The following NRP1 variants were observed in gnomAD, a reference collection of about 807,000 sequenced individuals.
NRP1 encodes neuropilin 1.
In NRP1, 35 loss-of-function variants were observed where a neutral mutation model predicts 106.7. The ratio of observed to expected loss-of-function variants is 0.33; its 90% CI spans 0.25 to 0.43. The LOEUF (loss-of-function observed/expected upper bound fraction) is 0.43, where lower values mean the gene tolerates loss of function less well. NRP1 is among the 20% of genes least tolerant of loss of function. The pLI is 1.00. For missense variants in NRP1, 1,024 were observed against 1,170.4 expected (o/e 0.87, Z 1.83); for synonymous variants, 437 against 417.9 (o/e 1.05, Z -0.56).
Position 33,182,686 on chromosome 10 carries a change from A to G in NRP1, c.2482+12T>C, listed in dbSNP as rs774225616. On this transcript the variant is annotated intron_variant, in intron 16 of 16. Coordinates refer to ENST00000374867, the MANE Select transcript of NRP1 (RefSeq NM_003873.7). ...AAAATTTTTTAAAAATTGGTCAGCA[A>G]GACAAATTTACCTGTTTCATCAATT... 1 of 1,606,788 alleles carries G rather than the reference A, an allele frequency of 6.2e-7. No homozygotes were observed. Among genetic ancestry groups the G allele is most frequent in the Non-Finnish European group, 8.5e-7 (1 of 1,174,598 alleles).
intron 2 of NRP1, among the ~76,000 whole-genome samples, chr10:33,307,595 G>A (rs1846261690): frequency 6.6e-6 from 1 of 152,074 alleles, no homozygotes; most frequent in African/African-American, 2.4e-5. Flanking sequence ...TATATATCAA[G>A]AGTCTTAATA....
chr10:33,304,486 T>C (rs1846010636), intron 2 of NRP1, among the ~76,000 whole-genome samples: 1 of 152,206 alleles, frequency 6.6e-6, no homozygotes, highest in Non-Finnish European at 1.5e-5. Flanking sequence ...CCTATTTATT[T>C]ACTTATTACC....
At chr10:33,278,250 G>A (rs989334863) in intron 2 of NRP1, among the ~76,000 whole-genome samples, 5 of 151,920 alleles carry the variant, frequency 3.3e-5, no homozygotes, top group South Asian at 2.1e-4. Flanking sequence ...GAACTCCTTC[G>A]CCAATCTTAT....
chr10:33,328,984 CAG>C (rs1421389524), intron 2 of NRP1, among the ~76,000 whole-genome samples: 2 of 151,982 alleles, frequency 1.3e-5, no homozygotes, highest in African/African-American at 4.8e-5. Context: ...TATGTTTTAC[CAG>C]AGTTTCTCCT....
intron 2 of NRP1, among the ~76,000 whole-genome samples, chr10:33,295,445 C>A (rs926325358): frequency 6.6e-6 from 1 of 152,190 alleles, no homozygotes. Context: ...CAGTGGCTCA[C>A]GCCTGTAATC....
chr10:33,261,822 T>A (rs886396220), intron 4 of NRP1, among the ~76,000 whole-genome samples: 5 of 152,166 alleles, frequency 3.3e-5, no homozygotes, highest in African/African-American at 1.2e-4. Context: ...CTGCAACCTC[T>A]GCCTCCCAGG....
chr10:33,197,418 G>T (rs1259170616), intron 12 of NRP1, among the ~76,000 whole-genome samples: 1 of 152,206 alleles, frequency 6.6e-6, no homozygotes, highest in African/African-American at 2.4e-5. Context: ...TCCTTCAGTG[G>T]AGAGCTGGGA....
At chr10:33,241,927 A>G (rs895859445) in intron 6 of NRP1, among the ~76,000 whole-genome samples, 2 of 152,246 alleles carry the variant, frequency 1.3e-5, no homozygotes, top group South Asian at 4.1e-4. Flanking sequence ...ATTTTAATTC[A>G]GATGAATTTT....
intron 9 of NRP1, chr10:33,213,106 G>T: frequency 1.3e-6 from 1 of 793,336 alleles, no homozygotes; most frequent in Non-Finnish European, 2.0e-6. Flanking sequence ...TGTCAGCCTT[G>T]GGCTTCCCCG....
At chr10:33,269,475 A>G in intron 3 of NRP1, among the ~76,000 whole-genome samples, 1 of 152,118 alleles carries the variant, frequency 6.6e-6, no homozygotes, top group East Asian at 1.9e-4. Context: ...TGCATTTTTA[A>G]TGAAAGAAAT....
chr10:33,194,553 G>A (rs557127227), intron 12 of NRP1: 5 of 294,378 alleles, frequency 1.7e-5, no homozygotes, highest in Non-Finnish European at 3.5e-5. Flanking sequence ...GGCACTTCTC[G>A]CTTCAGAGAA....
At chr10:33,201,006 T>C (rs2132688759) in intron 11 of NRP1, 1 of 152,330 alleles carries the variant, frequency 6.6e-6, no homozygotes, top group African/African-American at 2.4e-5. Context: ...CGTGCTGATC[T>C]GGGAATAACT....
chr10:33,266,989 G>A (rs1024961673), intron 3 of NRP1, among the ~76,000 whole-genome samples: 1 of 152,228 alleles, frequency 6.6e-6, no homozygotes, highest in South Asian at 2.1e-4. Flanking sequence ...CCAAGATCGT[G>A]CCACTGCACT....
intron 10 of NRP1, chr10:33,205,728 G>GCACTGATCT (rs1451262113): frequency 6.4e-6 from 1 of 156,762 alleles, no homozygotes; most frequent in Non-Finnish European, 1.4e-5. Flanking sequence ...AATATCTGAA[G>GCACTGATCT]CACTGATCTC....
Position 33,263,635 on chromosome 10 carries a change from G to A in NRP1, c.658+11C>T. ...ACCTTCCCTTTTTGGGGTGCTTCCT[G>A]TCATTCTTACCATCAGGGAATCCAT... On this transcript the variant is annotated intron_variant, in intron 4 of 16. Transcript: ENST00000374867. The A allele has an allele frequency of 5.6e-6, 9 of 1,605,672 alleles. No homozygotes were observed. Among genetic ancestry groups the A allele is most frequent in the Non-Finnish European group, 7.7e-6 (9 of 1,172,594 alleles).
chr10:33,303,668 G>A (rs776805547), intron 2 of NRP1, among the ~76,000 whole-genome samples: 3 of 152,216 alleles, frequency 2.0e-5, no homozygotes, highest in Non-Finnish European at 4.4e-5. Context: ...GGTGGTTAAT[G>A]ATAAGAAAGT....
chr10:33,235,716 G>A (rs1423264107), intron 6 of NRP1, among the ~76,000 whole-genome samples: 2 of 152,172 alleles, frequency 1.3e-5, no homozygotes, highest in African/African-American at 4.8e-5. Context: ...ATAACAAAGA[G>A]GGAGAAAATG....
chr10:33,263,458 G>C (rs1391108133), intron 4 of NRP1, among the ~76,000 whole-genome samples, 188 bp downstream of exon 4: 1 of 152,140 alleles, frequency 6.6e-6, no homozygotes, highest in Non-Finnish European at 1.5e-5. Context: ...AATTGGACTA[G>C]ATAATTACTA....
chr10:33,319,892 G>T (rs183738020), intron 2 of NRP1, among the ~76,000 whole-genome samples: 1 of 151,730 alleles, frequency 6.6e-6, no homozygotes. Context: ...GGCCTGGGTC[G>T]GTGCCATCTT....
Sources: allele counts gnomAD v4.1 joint callset (sites outside exome capture counted in the v4.1 genomes callset), GRCh38; gene constraint gnomAD v4.1.1; transcripts MANE v1.5; gene names NCBI Gene and HGNC (gene_info 2026-07-23, HGNC 2026-07-21).